GRID2: variants seen among roughly 807,000 people sequenced by gnomAD.
GRID2 encodes the protein glutamate ionotropic receptor delta type subunit 2.
A neutral mutation model predicts 114.8 loss-of-function variants in GRID2; 33 were observed. The ratio of observed to expected loss-of-function variants is 0.29; its 90% CI spans 0.22 to 0.38. The LOEUF (loss-of-function observed/expected upper bound fraction) is 0.38, where lower values mean the gene tolerates loss of function less well. Among genes scored for constraint, GRID2 ranks in the 10% least tolerant of loss-of-function variants. The pLI, the probability that GRID2 is intolerant of heterozygous loss-of-function variation, is 1.00. For missense variants in GRID2, 1,184 were observed against 1,257.7 expected, an observed-to-expected ratio of 0.94 and a Z score of 0.89; for synonymous variants, 505 against 449.9, an observed-to-expected ratio of 1.12 and a Z score of -1.55.
intron 2 of GRID2, among the ~76,000 whole-genome samples, chr4:92,605,806 A>G (rs1442774558): frequency 2.6e-5 from 4 of 152,022 alleles, no homozygotes; most frequent in Non-Finnish European, 4.4e-5. Context: ...TGTCAACCAT[A>G]TTACTTGTGA....
intron 2 of GRID2, among the ~76,000 whole-genome samples, chr4:93,055,066 T>A (rs1348002197): frequency 6.6e-6 from 1 of 151,950 alleles, no homozygotes; most frequent in African/African-American, 2.4e-5. Context: ...AAAACAGATA[T>A]AACCTTCTTA....
At chr4:92,517,044 C>A (rs771442759) in intron 1 of GRID2, among the ~76,000 whole-genome samples, 13 of 143,594 alleles carry the variant, frequency 9.1e-5, no homozygotes, top group Non-Finnish European at 1.7e-4. Flanking sequence ...GGGATAGTTA[C>A]ATATTTTGAA....
chr4:93,661,027 T>A (rs1275657735), intron 14 of GRID2, among the ~76,000 whole-genome samples: 1 of 152,186 alleles, frequency 6.6e-6, no homozygotes, highest in Non-Finnish European at 1.5e-5. Flanking sequence ...CCCAAGTGTG[T>A]TGGCTTTACA....
At chr4:93,143,836 C>T (rs1006952205) in intron 4 of GRID2, among the ~76,000 whole-genome samples, 50 of 152,042 alleles carry the variant, frequency 3.3e-4, no homozygotes, top group African/African-American at 1.1e-3. Flanking sequence ...AAATACATTT[C>T]GTTTGCCTAT....
At chr4:93,095,311 T>A (rs542678085) in intron 3 of GRID2, among the ~76,000 whole-genome samples, 2 of 151,944 alleles carry the variant, frequency 1.3e-5, no homozygotes, top group Non-Finnish European at 2.9e-5. Context: ...GTTTATGATG[T>A]TCCCCTCCTT....
chr4:93,145,466 TA>T (rs1373238053), intron 4 of GRID2, among the ~76,000 whole-genome samples: 25 of 101,334 alleles, frequency 2.5e-4, no homozygotes, highest in South Asian at 6.0e-4. Flanking sequence ...TTTATTTATT[TA>T]TTTATTTTTT....
intron 2 of GRID2, among the ~76,000 whole-genome samples, chr4:93,071,009 C>T (rs1243515339): frequency 1.3e-5 from 2 of 152,148 alleles, no homozygotes; most frequent in South Asian, 2.1e-4. Flanking sequence ...TGTATCTTTC[C>T]TCTCATAGAG....
chr4:92,948,033 TA>T (rs965755070), intron 2 of GRID2, among the ~76,000 whole-genome samples: 6 of 151,896 alleles, frequency 4.0e-5, no homozygotes, highest in Admixed American at 3.9e-4. Flanking sequence ...AATGGGAATT[TA>T]AAAAAATTTG....
chr4:92,577,520 G>A (rs941440479), intron 1 of GRID2, among the ~76,000 whole-genome samples: 1 of 152,164 alleles, frequency 6.6e-6, no homozygotes, highest in African/African-American at 2.4e-5. Context: ...GGATCAGAGG[G>A]TAGGACAGTT....
chr4:93,715,967 T>A (rs146671223), intron 14 of GRID2, among the ~76,000 whole-genome samples: 30 of 152,286 alleles, frequency 2.0e-4, no homozygotes, highest in Non-Finnish European at 4.0e-4. Flanking sequence ...AATACCACAT[T>A]GAATAGGAGA....
rs571868462 is a variant in GRID2 at position 93,373,952 on chromosome 4, GA to G, written c.1246-21653del. ...TTTCCAAAGATTGATCTACACTACA[GA>G]AGGCTTATTAGGGTATATTGATACT... On this transcript the variant is annotated intron_variant, in intron 8 of 15. Coordinates refer to ENST00000282020, the MANE Select transcript of GRID2 (RefSeq NM_001510.4). Among the ~76,000 whole-genome samples the G allele has an allele frequency of 9.0e-4, 137 of 152,296 alleles. 1 individual carries two copies. The highest frequency in any genetic ancestry group is 3.2e-3 in the African/African-American group (134 of 41,574).
At chr4:93,267,188 A>G (rs13134425) in intron 8 of GRID2, among the ~76,000 whole-genome samples, 1 of 15,162 alleles carries the variant, frequency 6.6e-5, no homozygotes, top group Non-Finnish European at 1.1e-4. Flanking sequence ...TAATTTTATT[A>G]TTTTTTTTAT....
chr4:93,311,712 G>C (rs1029925329), intron 8 of GRID2, among the ~76,000 whole-genome samples: 1 of 152,162 alleles, frequency 6.6e-6, no homozygotes, highest in Non-Finnish European at 1.5e-5. Context: ...GGTTAGAAAT[G>C]TATGAGGATG....
At chr4:92,577,406 G>A (rs1451947648) in intron 1 of GRID2, among the ~76,000 whole-genome samples, 1 of 152,206 alleles carries the variant, frequency 6.6e-6, no homozygotes, top group East Asian at 1.9e-4. Context: ...CACCAAGGAT[G>A]ATGGTAGGAC....
intron 1 of GRID2, among the ~76,000 whole-genome samples, chr4:92,517,075 G>A (rs777109121): frequency 7.0e-6 from 1 of 142,842 alleles, no homozygotes; most frequent in African/African-American, 2.4e-5. Context: ...ACTTCTTATA[G>A]TATTGCTCTT....
chr4:92,954,790 A>G (rs1351197636), intron 2 of GRID2, among the ~76,000 whole-genome samples: 1 of 128,566 alleles, frequency 7.8e-6, no homozygotes, highest in Non-Finnish European at 1.6e-5. Flanking sequence ...AAGAGTCCCC[A>G]GAGTGTGATG....
chr4:92,596,699 A>T (rs1240263638), intron 2 of GRID2, among the ~76,000 whole-genome samples: 3 of 151,978 alleles, frequency 2.0e-5, no homozygotes, highest in Admixed American at 6.6e-5. Context: ...GCATTAAGAA[A>T]AAAAAAAACA....
rs1486802673 is a variant in GRID2 at position 93,403,505 on chromosome 4, ATAT to A, written c.1347+7801_1347+7803del. On this transcript the variant is annotated intron_variant, in intron 9 of 15. Coordinates refer to ENST00000282020, the MANE Select transcript of GRID2 (RefSeq NM_001510.4). ...TAAGTGATATTTAGCATATACAAAA[ATAT>A]TATAACTCAGTATGAAGAAATATAA... 3.3e-5 allele frequency among the ~76,000 whole-genome samples: 5 copies of A among 152,196 alleles called. No homozygotes were observed. The East Asian group carries it at 9.6e-4, about 29-fold the overall frequency.
At chr4:92,591,568 T>G (rs920012837) in intron 2 of GRID2, among the ~76,000 whole-genome samples, 3 of 152,186 alleles carry the variant, frequency 2.0e-5, no homozygotes, top group Non-Finnish European at 4.4e-5. Context: ...CAGGATTTTT[T>G]TTGTAATGCA....
Sources: gnomAD v4.1 joint callset for allele counts (sites outside exome capture counted in the v4.1 genomes callset) on GRCh38, gnomAD v4.1.1 for gene constraint, MANE v1.5 for transcripts, NCBI Gene and HGNC (gene_info 2026-07-23, HGNC 2026-07-21) for gene names.